Variants in NISCH observed in about 807,000 individuals in gnomAD.
NISCH encodes nischarin, also known as I-1 receptor candidate protein.
NISCH carries 55 observed loss-of-function variants against 138.4 expected under a neutral mutation model. The ratio of observed to expected loss-of-function variants is 0.40; its 90% confidence interval spans 0.32 to 0.50. The LOEUF (loss-of-function observed/expected upper bound fraction) is 0.50, where lower values mean the gene tolerates loss of function less well. Ranked by LOEUF, NISCH falls within the 20% of genes least tolerant of loss-of-function variation. NISCH has a pLI of 0.71. For missense variants in NISCH, 1,643 were observed against 2,005.5 expected (o/e 0.82, Z 3.45); for synonymous variants, 860 against 861.5 (o/e 1.00, Z 0.03).
intron 5 of NISCH, 136 bp from the exon 6 acceptor site, chr3:52,472,167 T>TA (rs1239629141): frequency 1.0e-6 from 1 of 997,136 alleles, no homozygotes; most frequent in East Asian, 2.4e-5. Context: ...AGTGTCCCGT[T>TA]AAATTAAGTC....
intron 3 of NISCH, among the ~76,000 whole-genome samples, chr3:52,462,916 A>G (rs1207055123): frequency 3.3e-5 from 5 of 152,298 alleles, no homozygotes; most frequent in South Asian, 2.1e-4. Context: ...GATTACAGGC[A>G]TGAGCCACCA....
In NISCH at chr3:52,488,185, C is replaced by CT. The variant is rs764473441; in HGVS notation, c.2694dup (p.Glu899Ter). The CT allele has an allele frequency of 6.2e-7, 1 of 1,613,312 alleles. No homozygotes were observed. The highest frequency in any genetic ancestry group is 2.2e-5 in the East Asian group (1 of 44,870). ...GTGCGGCGCTCCTGCTGCGCGCCCT[C>CT]TGAGGCCGTCAAGTCCGCCGCCATC... On this transcript the variant is annotated frameshift_variant, in exon 16 of 21. Coordinates refer to ENST00000345716, the MANE Select transcript of NISCH (RefSeq NM_007184.4). LOFTEE classifies it high-confidence loss of function.
At chr3:52,483,677 C>T (rs937633615) in intron 13 of NISCH, among the ~76,000 whole-genome samples, 2 of 152,218 alleles carry the variant, frequency 1.3e-5, no homozygotes, top group Non-Finnish European at 2.9e-5. Context: ...ACTCAGCAGC[C>T]CTGCTGGATA....
At chr3:52,481,474 A>T in intron 13 of NISCH, 1 of 985,546 alleles carries the variant, frequency 1.0e-6, no homozygotes, top group Non-Finnish European at 1.2e-6. Flanking sequence ...TATTACATAA[A>T]AGCCAGGGAG....
At chr3:52,474,543 G>A (rs375377161) in intron 7 of NISCH, among the ~76,000 whole-genome samples, 12 of 152,158 alleles carry the variant, frequency 7.9e-5, no homozygotes, top group African/African-American at 9.6e-5. Context: ...TGATCCACCC[G>A]CCTCGGCCTC....
intron 3 of NISCH, 196 bp from the exon 4 acceptor site, chr3:52,470,663 G>A (rs1424632617): frequency 2.0e-5 from 12 of 610,620 alleles, no homozygotes; most frequent in Non-Finnish European, 3.5e-5. Context: ...AGACATTTCA[G>A]GTATCCACAT....
At chr3:52,457,820 G>A (rs12629472) in intron 1 of NISCH, 23 bp from the exon 2 acceptor site, 305,196 of 1,579,714 alleles carry the variant, frequency 0.19, 31,681 homozygotes, top group South Asian at 0.23. Flanking sequence ...CTTGCCACAA[G>A]GGCTGTTGGT....
intron 3 of NISCH, among the ~76,000 whole-genome samples, chr3:52,462,921 C>T (rs1270320421): frequency 6.6e-6 from 1 of 152,192 alleles, no homozygotes; most frequent in Non-Finnish European, 1.5e-5. Flanking sequence ...CAGGCATGAG[C>T]CACCACGCCT....
chr3:52,481,870 C>T, intron 13 of NISCH: 3 of 985,486 alleles, frequency 3.0e-6, no homozygotes, highest in Non-Finnish European at 3.6e-6. Context: ...TGGACATGGC[C>T]TCCAGATTTG....
chr3:52,489,481 C>G lies in NISCH; in HGVS notation c.3259C>G (p.Pro1087Ala). 1.2e-6 allele frequency: 2 copies of G among 1,607,648 alleles called. No individual in the cohort carries two copies. Among genetic ancestry groups the G allele is most frequent in the Non-Finnish European group, 1.7e-6 (2 of 1,174,886 alleles). ...AGAGGCCTCAACTTCAGCTTTGGTC[C>G]CAGAGGAGACGCCAGTGGAAGCTCC... ...PAEASTSALV[P>A]EETPVEAPAP... Residue 1087 changes from proline to alanine, a missense_variant, in exon 17 of 21, where the codon CCA becomes GCA. Pro to Ala is a conservative substitution (Grantham distance 27). Coordinates refer to ENST00000345716, the MANE Select transcript of NISCH (RefSeq NM_007184.4).
intron 3 of NISCH, among the ~76,000 whole-genome samples, chr3:52,464,933 G>A (rs1706740702): frequency 6.6e-6 from 1 of 152,154 alleles, no homozygotes; most frequent in South Asian, 2.1e-4. Flanking sequence ...CTCCCAAATT[G>A]ATGGGATAAC....
intron 20 of NISCH, 23 bp from the exon 21 acceptor site, chr3:52,491,849 G>A: frequency 1.3e-6 from 2 of 1,564,930 alleles, no homozygotes; most frequent in South Asian, 1.2e-5. Flanking sequence ...CCAGGCTATA[G>A]CCCAGGTGGC....
intron 7 of NISCH, 44 bp downstream of exon 7, chr3:52,473,873 AG>A (rs1338634839): frequency 7.3e-7 from 1 of 1,378,586 alleles, no homozygotes; most frequent in East Asian, 2.4e-5. Flanking sequence ...TCTGTGGATC[AG>A]GGTCCTGGGC....
At position 52,472,229 on chromosome 3, in the gene NISCH, C is replaced by T. The variant is rs907723554; in HGVS notation, c.574-74C>T. Reference sequence around the variant, plus strand: ...CAGAAGTGGTCAAAGTTGTCTTCAACTTGTCAGCTGCTGCAGCACTCCCCG... The same window carrying T: ...CAGAAGTGGTCAAAGTTGTCTTCAATTTGTCAGCTGCTGCAGCACTCCCCG... On this transcript the variant is annotated intron_variant, in intron 5 of 20. Coordinates refer to ENST00000345716, the MANE Select transcript of NISCH (RefSeq NM_007184.4). 5.0e-6 allele frequency: 7 copies of T among 1,401,336 alleles called. No homozygotes were observed. The East Asian group carries it at 9.1e-5, about 18-fold the overall frequency. The allele number at this position is 1,401,336 out of a possible 1,614,324, so 86.8% of individuals were successfully genotyped here.
At chr3:52,467,321 C>G (rs537392796) in intron 3 of NISCH, among the ~76,000 whole-genome samples, 12 of 152,218 alleles carry the variant, frequency 7.9e-5, no homozygotes, top group African/African-American at 2.9e-4. Context: ...CAAAAAAATA[C>G]ATTTCAATTC....
rs551243332 is a variant in NISCH, at chr3:52,459,519, C to T, written c.360+675C>T. Among the ~76,000 whole-genome samples, 4 of 152,220 alleles carry T rather than the reference C, an allele frequency of 2.6e-5. No homozygotes were observed. The South Asian group carries it at 8.3e-4, about 32-fold the overall frequency. On this transcript the variant is annotated intron_variant, in intron 3 of 20. Coordinates refer to ENST00000345716, the MANE Select transcript of NISCH (RefSeq NM_007184.4). The stretch of plus-strand genomic sequence containing the variant: ...TGCGATCTCGGCTCACTACAACCTC[C>T]GCCTCTTGGGTTCAAGCAATTCTCC...
In NISCH at chr3:52,458,639, G is replaced by A. The variant is rs767270850; in HGVS notation, c.178-23G>A. On this transcript the variant is annotated intron_variant, in intron 2 of 20. Coordinates refer to ENST00000345716, the MANE Select transcript of NISCH (RefSeq NM_007184.4). The stretch of plus-strand genomic sequence containing the variant: ...GCACAGAGCCTCTTAGTCTGTGGTT[G>A]ATGTGCTTATGTTTTTTTACAGCTC... The A allele has an allele frequency of 5.6e-6, 9 of 1,604,294 alleles. No individual in the cohort carries two copies. The Admixed American group carries it at 1.5e-4, about 27-fold the overall frequency.
Position 52,477,635 on chromosome 3 carries a change from A to C in NISCH, c.980A>C (p.Asn327Thr). The C allele has an allele frequency of 1.9e-6, 3 of 1,613,724 alleles. No individual in the cohort carries two copies. The highest frequency in any genetic ancestry group is 2.5e-6 in the Non-Finnish European group (3 of 1,179,574). The change falls in exon 9 of 21, where the codon AAT (asparagine) becomes ACT (threonine). Residue 327 changes from asparagine to threonine, a missense_variant. Coordinates refer to ENST00000345716, the MANE Select transcript of NISCH (RefSeq NM_007184.4). ...CACAATGGATTGCTGGTTGTGGACA[A>C]TCTGCAGGTAGTGCCTTTGGAGACC... Reference protein sequence around the residue: ...LSHNGLLVVDNLQHLYNLVHL... With the variant: ...LSHNGLLVVDTLQHLYNLVHL...
chr3:52,472,243 C>T (rs1180414330), intron 5 of NISCH, 60 bp from the exon 6 acceptor site: 11 of 1,469,476 alleles, frequency 7.5e-6, no homozygotes, highest in Non-Finnish European at 8.6e-6. Flanking sequence ...TCAGCTGCTG[C>T]AGCACTCCCC....
Sources: allele counts gnomAD v4.1 joint callset (sites outside exome capture counted in the v4.1 genomes callset), GRCh38; gene constraint gnomAD v4.1.1; transcripts MANE v1.5; gene names NCBI Gene and HGNC (gene_info 2026-07-23, HGNC 2026-07-21).